The following GNAL variants were observed in gnomAD, a reference collection of about 807,000 sequenced individuals.
The protein encoded by GNAL is guanine nucleotide-binding protein G(olf) subunit alpha.
A neutral mutation model predicts 55.1 loss-of-function variants in GNAL; 18 were observed. That is an observed-to-expected ratio of 0.33 (90% CI 0.23 to 0.48). The LOEUF (loss-of-function observed/expected upper bound fraction) is 0.48. Among genes scored for constraint, GNAL ranks in the 20% least tolerant of loss-of-function variants. The probability of loss-of-function intolerance (pLI) is 0.99; values close to 1 mark genes in which losing one functional copy is unlikely to be tolerated. For synonymous variants in GNAL, 253 were observed against 237.0 expected, an observed-to-expected ratio of 1.07 and a Z score of -0.62; for missense variants, 412 against 614.1, an observed-to-expected ratio of 0.67 and a Z score of 3.48.
At chr18:11,823,402 T>C (rs1007109010) in intron 4 of GNAL, among the ~76,000 whole-genome samples, 1 of 152,184 alleles carries the variant, frequency 6.6e-6, no homozygotes, top group African/African-American at 2.4e-5. Context: ...GATGCAGATA[T>C]AGACTATGCC....
At chr18:11,827,753 C>T (rs549799774) in intron 5 of GNAL, among the ~76,000 whole-genome samples, 1 of 152,222 alleles carries the variant, frequency 6.6e-6, no homozygotes, top group South Asian at 2.1e-4. Flanking sequence ...GGGCAGATCA[C>T]GAGGTCAGGA....
intron 5 of GNAL, among the ~76,000 whole-genome samples, chr18:11,831,603 C>T (rs1414465003): frequency 6.6e-6 from 1 of 152,194 alleles, no homozygotes; most frequent in African/African-American, 2.4e-5. Flanking sequence ...GAGCCAAAGG[C>T]CCTATGGGGA....
intron 6 of GNAL, among the ~76,000 whole-genome samples, chr18:11,862,684 C>A (rs566330859): frequency 6.6e-6 from 1 of 152,160 alleles, no homozygotes; most frequent in Non-Finnish European, 1.5e-5. Flanking sequence ...ATGAGTTTAT[C>A]TGCAGATAAG....
intron 1 of GNAL, among the ~76,000 whole-genome samples, chr18:11,715,423 T>G (rs2031937939): frequency 7.1e-6 from 1 of 139,904 alleles, no homozygotes; most frequent in South Asian, 2.2e-4. Context: ...ATCGCGCCAC[T>G]GCACTCCAGC....
chr18:11,692,614 A>G (rs1598396667), intron 1 of GNAL, among the ~76,000 whole-genome samples: 1 of 152,040 alleles, frequency 6.6e-6, no homozygotes, highest in East Asian at 1.9e-4. Context: ...TTTTTCTGGA[A>G]GGAAACTTAA....
At chr18:11,754,716 T>C (rs1429818123) in intron 4 of GNAL, among the ~76,000 whole-genome samples, 1 of 152,212 alleles carries the variant, frequency 6.6e-6, no homozygotes, top group Non-Finnish European at 1.5e-5. Flanking sequence ...GAATGCATTG[T>C]ATAAAAAATG....
At chr18:11,719,228 A>G (rs986495770) in intron 1 of GNAL, among the ~76,000 whole-genome samples, 1 of 152,208 alleles carries the variant, frequency 6.6e-6, no homozygotes. Flanking sequence ...TATCCTCACA[A>G]TTTAAATGAA....
At position 11,752,681 on chromosome 18, in the gene GNAL, C is replaced by T. The variant is rs2032894147; in HGVS notation, c.377-172C>T. 1 of 1,222,086 alleles carries T rather than the reference C, an allele frequency of 8.2e-7. No homozygotes were observed. The highest frequency in any genetic ancestry group is 3.1e-5 in the East Asian group (1 of 31,846). The allele number at this position is 1,222,086 out of a possible 1,614,324, so 75.7% of individuals were successfully genotyped here. A position where few individuals can be genotyped will look rare whatever the true frequency, so the allele number is the denominator to read the frequency against. On this transcript the variant is annotated intron_variant, in intron 1 of 11. Transcript: ENST00000334049. The surrounding 1 kb of genome is among the most constrained non-coding windows in gnomAD (Gnocchi z 4.5). ...GGCAGGGCCGGGCGAGGGTCGCGCG[C>T]ACCTCTGGGCCGCGGAGCCCAGACG...
intron 11 of GNAL, among the ~76,000 whole-genome samples, chr18:11,879,011 C>T (rs531370894): frequency 5.9e-5 from 9 of 151,408 alleles, no homozygotes; most frequent in South Asian, 2.1e-4. Flanking sequence ...ATGTAAATGA[C>T]GAGTTAATGG....
At chr18:11,770,908 G>T (rs1207404215) in intron 4 of GNAL, among the ~76,000 whole-genome samples, 1 of 152,012 alleles carries the variant, frequency 6.6e-6, no homozygotes, top group East Asian at 1.9e-4. Context: ...CTGCTTGAAA[G>T]AATTAAGCCA....
chr18:11,846,592 A>G (rs1175041126), intron 5 of GNAL, among the ~76,000 whole-genome samples: 1 of 151,658 alleles, frequency 6.6e-6, no homozygotes, highest in Admixed American at 6.6e-5. Flanking sequence ...TCAGCATCCC[A>G]AGTAGCTGGG....
At chr18:11,706,276 G>A (rs2031708866) in intron 1 of GNAL, among the ~76,000 whole-genome samples, 1 of 151,616 alleles carries the variant, frequency 6.6e-6, no homozygotes, top group Admixed American at 6.6e-5. Context: ...TATAAAAGTT[G>A]TGTTTATACT....
chr18:11,812,728 C>T (rs545841404), intron 4 of GNAL, among the ~76,000 whole-genome samples: 183 of 152,092 alleles, frequency 1.2e-3, no homozygotes, highest in Non-Finnish European at 8.4e-4. Flanking sequence ...CCTGTAATCC[C>T]AGCTACTCGG....
At chr18:11,739,079 TG>T (rs2032520073) in intron 1 of GNAL, among the ~76,000 whole-genome samples, 1 of 152,010 alleles carries the variant, frequency 6.6e-6, no homozygotes, top group Admixed American at 6.6e-5. Flanking sequence ...GCCCAGAGAG[TG>T]CCCTGCGCAG....
intron 4 of GNAL, among the ~76,000 whole-genome samples, chr18:11,788,356 G>C (rs2034118697): frequency 6.6e-6 from 1 of 152,186 alleles, no homozygotes; most frequent in Non-Finnish European, 1.5e-5. Context: ...CCAGAGTTAA[G>C]AGGTGGTCAG....
chr18:11,783,314 G>A (rs183903249), intron 4 of GNAL, among the ~76,000 whole-genome samples: 1 of 152,252 alleles, frequency 6.6e-6, no homozygotes, highest in Admixed American at 6.5e-5. Context: ...TTTCTCAAAT[G>A]GGCATGATAA....
intron 4 of GNAL, among the ~76,000 whole-genome samples, chr18:11,785,224 A>G (rs981133352): frequency 1.1e-4 from 16 of 152,262 alleles, no homozygotes; most frequent in Admixed American, 7.2e-4. Flanking sequence ...AAAGCTGAAA[A>G]TGAGAGGGTA....
At chr18:11,733,667 CAA>C (rs984708080) in intron 1 of GNAL, among the ~76,000 whole-genome samples, 2 of 152,076 alleles carry the variant, frequency 1.3e-5, no homozygotes, top group African/African-American at 4.8e-5. Context: ...AAATAGAAGT[CAA>C]ATGCCACATG....
intron 4 of GNAL, among the ~76,000 whole-genome samples, chr18:11,797,827 C>T (rs941711067): frequency 1.3e-5 from 2 of 150,964 alleles, no homozygotes; most frequent in African/African-American, 4.9e-5. Context: ...CAAAACAGGC[C>T]CACATGGAAA....
Sources: gnomAD v4.1 joint callset for allele counts (sites outside exome capture counted in the v4.1 genomes callset) on GRCh38, gnomAD v4.1.1 for gene constraint, Gnocchi (gnomAD v3.1) non-coding constraint, MANE v1.5 for transcripts, NCBI Gene and HGNC (gene_info 2026-07-23, HGNC 2026-07-21) for gene names.